KCNQ3: variants seen among roughly 807,000 people sequenced by gnomAD.
KCNQ3 encodes the protein potassium voltage-gated channel subfamily KQT member 3.
Under a neutral mutation model 92.5 loss-of-function variants are expected in KCNQ3, and 30 were observed. The observed-to-expected ratio is 0.32, with a 90% confidence interval of 0.24 to 0.44. The LOEUF (loss-of-function observed/expected upper bound fraction) is 0.44, where lower values mean the gene tolerates loss of function less well. Ranked by LOEUF, KCNQ3 falls within the 20% of genes least tolerant of loss-of-function variation. The pLI, the probability that KCNQ3 is intolerant of heterozygous loss-of-function variation, is 1.00. For synonymous variants in KCNQ3, 450 were observed against 468.8 expected, an observed-to-expected ratio of 0.96 and a Z score of 0.52; for missense variants, 913 against 1,140.3, an observed-to-expected ratio of 0.80 and a Z score of 2.87.
chr8:132,151,224 C>A (rs988407195), intron 9 of KCNQ3, among the ~76,000 whole-genome samples: 3 of 152,088 alleles, frequency 2.0e-5, no homozygotes, highest in African/African-American at 7.2e-5. Context: ...AGCACATAAT[C>A]AAAACAAATT....
At position 132,434,015 on chromosome 8, in the gene KCNQ3, C is replaced by T. The variant is rs1016249775; in HGVS notation, c.386+46132G>A. 5.5e-4 allele frequency among the ~76,000 whole-genome samples: 83 copies of T among 152,024 alleles called. 1 individual carries two copies. Among genetic ancestry groups the T allele is most frequent in the African/African-American group, 1.9e-3 (77 of 41,504 alleles). On this transcript the variant is annotated intron_variant, in intron 1 of 14. Coordinates refer to ENST00000388996, the MANE Select transcript of KCNQ3 (RefSeq NM_004519.4). ...CGAGGTCAGGAGATCGAGACCATCC[C>T]GGCTAAAACGGTGAAACCCCGTCTC...
intron 7 of KCNQ3, 136 bp downstream of exon 7, chr8:132,172,462 T>G: frequency 2.6e-6 from 2 of 759,150 alleles, no homozygotes. Context: ...CAGACACACA[T>G]GGAATCCTGG....
At chr8:132,317,653 A>G (rs551081414) in intron 1 of KCNQ3, among the ~76,000 whole-genome samples, 48 of 152,308 alleles carry the variant, frequency 3.2e-4, no homozygotes, top group African/African-American at 1.1e-3. Context: ...GTGGAAGACC[A>G]GCCCAGGCAG....
At chr8:132,440,532 T>C (rs1441882523) in intron 1 of KCNQ3, among the ~76,000 whole-genome samples, 2 of 152,180 alleles carry the variant, frequency 1.3e-5, no homozygotes, top group South Asian at 2.1e-4. Context: ...CATGAATGTG[T>C]TGGTCACCGC....
chr8:132,217,325 T>C (rs1444216039), intron 1 of KCNQ3, among the ~76,000 whole-genome samples: 1 of 152,166 alleles, frequency 6.6e-6, no homozygotes, highest in African/African-American at 2.4e-5. Context: ...ACTTACTATG[T>C]GCAATTTACA....
intron 3 of KCNQ3, among the ~76,000 whole-genome samples, chr8:132,180,697 T>G (rs938201144): frequency 2.6e-5 from 4 of 152,018 alleles, no homozygotes; most frequent in African/African-American, 9.7e-5. Flanking sequence ...CCTATGGAGG[T>G]AAAGCCTGAC....
At chr8:132,145,198 A>C (rs1825416766) in intron 9 of KCNQ3, among the ~76,000 whole-genome samples, 1 of 152,262 alleles carries the variant, frequency 6.6e-6, no homozygotes, top group Non-Finnish European at 1.5e-5. Flanking sequence ...GAAAAACTGA[A>C]TGGTAAGCTT....
chr8:132,454,348 T>A (rs1453188990), intron 1 of KCNQ3, among the ~76,000 whole-genome samples: 5 of 152,346 alleles, frequency 3.3e-5, no homozygotes, highest in Non-Finnish European at 7.3e-5. Context: ...TCACAGTCAT[T>A]AAAATTATGT....
At position 132,381,045 on chromosome 8, in the gene KCNQ3, C is replaced by T. The variant is rs939886916; in HGVS notation, c.386+99102G>A. ...GAGCAAAGGGAAAATGGGCAGTCAG[C>T]GCTGCCAAGAAACCTATTAACCTGA... On this transcript the variant is annotated intron_variant, in intron 1 of 14. Coordinates refer to ENST00000388996, the MANE Select transcript of KCNQ3 (RefSeq NM_004519.4). Among the ~76,000 whole-genome samples the T allele has an allele frequency of 4.6e-5, 7 of 151,876 alleles. No individual in the cohort carries two copies. The East Asian group carries it at 9.6e-4, about 21-fold the overall frequency.
intron 1 of KCNQ3, among the ~76,000 whole-genome samples, chr8:132,375,409 T>G (rs980966912): frequency 8.5e-5 from 13 of 152,306 alleles, no homozygotes; most frequent in African/African-American, 3.1e-4. Context: ...AGCTCACATC[T>G]CTGCTTCAGC....
At chr8:132,444,602 G>A (rs1821626887) in intron 1 of KCNQ3, among the ~76,000 whole-genome samples, 1 of 152,190 alleles carries the variant, frequency 6.6e-6, no homozygotes, top group African/African-American at 2.4e-5. Flanking sequence ...ACTTCATAGA[G>A]TTGTGCAAAC....
At chr8:132,213,533 G>T (rs993896982) in intron 1 of KCNQ3, among the ~76,000 whole-genome samples, 1 of 152,156 alleles carries the variant, frequency 6.6e-6, no homozygotes, top group Admixed American at 6.5e-5. Flanking sequence ...CAGGACCCAA[G>T]ACCCAATCCA....
chr8:132,199,258 G>T (rs1300802793), intron 1 of KCNQ3, among the ~76,000 whole-genome samples: 1 of 151,984 alleles, frequency 6.6e-6, no homozygotes, highest in African/African-American at 2.4e-5. Flanking sequence ...CTAAATGTTG[G>T]GAAAATAAAA....
At chr8:132,369,485 T>C (rs1451900623) in intron 1 of KCNQ3, among the ~76,000 whole-genome samples, 1 of 151,620 alleles carries the variant, frequency 6.6e-6, no homozygotes, top group African/African-American at 2.4e-5. Flanking sequence ...TTCCTTAGAG[T>C]AATGTCTGAT....
intron 1 of KCNQ3, among the ~76,000 whole-genome samples, chr8:132,224,154 T>C (rs1015166085): frequency 4.2e-5 from 6 of 142,780 alleles, no homozygotes; most frequent in African/African-American, 1.5e-4. Flanking sequence ...GGGCTGCTCT[T>C]GAACTCCTGG....
chr8:132,185,544 G>A (rs189783728), intron 2 of KCNQ3, among the ~76,000 whole-genome samples: 1 of 152,320 alleles, frequency 6.6e-6, no homozygotes, highest in Non-Finnish European at 1.5e-5. Context: ...ACAGAGTCAG[G>A]GGTACCTTAG....
intron 1 of KCNQ3, among the ~76,000 whole-genome samples, chr8:132,253,374 T>G (rs6986817): frequency 0.088 from 13,344 of 152,220 alleles, 670 homozygotes; most frequent in South Asian, 0.15. Context: ...CTTCACTGAG[T>G]TAAGATAAAC....
intron 1 of KCNQ3, among the ~76,000 whole-genome samples, chr8:132,224,741 C>G (rs1203848326): frequency 1.5e-5 from 2 of 133,804 alleles, no homozygotes; most frequent in African/African-American, 5.3e-5. Context: ...ACTCAAATAC[C>G]TTGATTTTGA....
At chr8:132,338,261 A>C (rs1417417880) in intron 1 of KCNQ3, among the ~76,000 whole-genome samples, 4 of 152,170 alleles carry the variant, frequency 2.6e-5, no homozygotes, top group Non-Finnish European at 5.9e-5. Context: ...TTAGTGTGTA[A>C]AGGCAGAACT....
Sources: allele counts gnomAD v4.1 joint callset (sites outside exome capture counted in the v4.1 genomes callset), GRCh38; gene constraint gnomAD v4.1.1; transcripts MANE v1.5; gene names NCBI Gene and HGNC (gene_info 2026-07-23, HGNC 2026-07-21).